The following DNAH12 variants were observed in gnomAD, a reference collection of about 807,000 sequenced individuals.
The protein encoded by DNAH12 is axonemal beta dynein heavy chain 12.
Under a neutral mutation model 371.5 loss-of-function variants are expected in DNAH12, and 285 were observed. The observed-to-expected ratio is 0.77, with a 90% CI of 0.70 to 0.85. The LOEUF (loss-of-function observed/expected upper bound fraction) is 0.85. Ranked by LOEUF, DNAH12 falls within the 40% of genes least tolerant of loss-of-function variation. The pLI is 0.00. For missense variants in DNAH12, 3,611 were observed against 3,689.4 expected (o/e 0.98, Z 0.55); for synonymous variants, 1,200 against 1,213.0 (o/e 0.99, Z 0.22).
chr3:57,351,925 G>A (rs1399585884), intron 60 of DNAH12, among the ~76,000 whole-genome samples, 160 bp downstream of exon 60: 3 of 152,114 alleles, frequency 2.0e-5, no homozygotes, highest in Admixed American at 6.5e-5. Context: ...AATAAACACC[G>A]ATACTATCGT....
At chr3:57,417,901 A>C (rs972654714) in intron 37 of DNAH12, among the ~76,000 whole-genome samples, 21 of 152,320 alleles carry the variant, frequency 1.4e-4, no homozygotes, top group African/African-American at 4.8e-4. Flanking sequence ...CTGTAATCCC[A>C]GCACTTTGGG....
chr3:57,359,286 A>G (rs1199695418), intron 58 of DNAH12, among the ~76,000 whole-genome samples: 7 of 151,750 alleles, frequency 4.6e-5, no homozygotes, highest in African/African-American at 1.7e-4. Context: ...TGGGCTGGGC[A>G]CGGTGGCTCA....
intron 2 of DNAH12, among the ~76,000 whole-genome samples, chr3:57,537,183 G>C (rs1239531400): frequency 6.6e-6 from 1 of 152,030 alleles, no homozygotes; most frequent in Non-Finnish European, 1.5e-5. Flanking sequence ...AAAAGAGTGA[G>C]ACCTTGTCTC....
intron 60 of DNAH12, among the ~76,000 whole-genome samples, chr3:57,337,112 G>GA (rs1164538816): frequency 6.6e-6 from 1 of 151,958 alleles, no homozygotes; most frequent in African/African-American, 2.4e-5. Context: ...ATTTACATCA[G>GA]AAAAAAACAG....
rs532888044 is a variant in DNAH12, at chr3:57,470,662, TA to T, written c.1912-27del. The T allele has an allele frequency of 1.4e-4, 210 of 1,486,062 alleles. 2 individuals carry two copies. In the South Asian group the frequency reaches 1.9e-3, roughly 13 times the overall value. 92.1% of individuals were successfully genotyped at this position (1,486,062 alleles called of 1,614,324 possible). A position where few individuals can be genotyped will look rare whatever the true frequency, so the allele number is the denominator to read the frequency against. On this transcript the variant is annotated intron_variant, in intron 15 of 73. Transcript: ENST00000495027. ...CTGAAAGTAAATAAGTTTTTTGTCT[TA>T]AAAAAAATTCAAGTAATGTTATAAA...
intron 11 of DNAH12, chr3:57,498,363 T>G: frequency 1.6e-6 from 1 of 612,230 alleles, no homozygotes; most frequent in Admixed American, 2.9e-5. Flanking sequence ...GTCACTCAAG[T>G]TGGAGTGCAG....
chr3:57,311,395 A>G (rs977527951), intron 66 of DNAH12, among the ~76,000 whole-genome samples: 24 of 152,144 alleles, frequency 1.6e-4, no homozygotes, highest in Admixed American at 1.6e-3. Context: ...TTTATCTTAA[A>G]TTGCTTGTCT....
intron 44 of DNAH12, among the ~76,000 whole-genome samples, chr3:57,393,384 T>C (rs2063665631): frequency 1.3e-5 from 2 of 151,712 alleles, no homozygotes; most frequent in Admixed American, 1.3e-4. Flanking sequence ...TCCCAGCACT[T>C]TGGGGGGCCG....
intron 29 of DNAH12, among the ~76,000 whole-genome samples, chr3:57,439,107 T>TAAA (rs1343776386): frequency 6.6e-6 from 1 of 152,078 alleles, no homozygotes; most frequent in Non-Finnish European, 1.5e-5. Context: ...GAAGAATGAA[T>TAAA]ATTGTTAAAA....
rs532318238 is a variant in DNAH12, at chr3:57,480,791, G to T, written c.1650+2585C>A. Among the ~76,000 whole-genome samples the T allele has an allele frequency of 4.6e-5, 7 of 152,216 alleles. 1 individual carries two copies. In the South Asian group the frequency reaches 1.4e-3, roughly 32 times the overall value. ...TACGCAAATCAATAAATGTCATCCA[G>T]CATATAAACAGAACCAAAGACAAAA... On this transcript the variant is annotated intron_variant, in intron 13 of 73. Coordinates refer to ENST00000495027, the MANE Select transcript of DNAH12 (RefSeq NM_001366028.2).
At chr3:57,361,875 A>T (rs1176570226) in intron 58 of DNAH12, among the ~76,000 whole-genome samples, 1 of 152,030 alleles carries the variant, frequency 6.6e-6, no homozygotes, top group African/African-American at 2.4e-5. Flanking sequence ...TATTTTTTTA[A>T]AATTATACTT....
chr3:57,510,735 G>A (rs2067960697), intron 5 of DNAH12, 55 bp downstream of exon 5: 1 of 1,513,048 alleles, frequency 6.6e-7, no homozygotes, highest in Non-Finnish European at 9.0e-7. Flanking sequence ...TGATTCAGTG[G>A]GGACGGGGGG....
chr3:57,493,769 G>C (rs1178480818), intron 11 of DNAH12: 8 of 131,370 alleles, frequency 6.1e-5, no homozygotes, highest in Admixed American at 3.2e-4. Flanking sequence ...TTGGGTACTT[G>C]ACCAGTCAAA....
intron 35 of DNAH12, among the ~76,000 whole-genome samples, chr3:57,421,923 T>TTTTTTTTTTTA (rs2064598343): frequency 6.8e-6 from 1 of 146,852 alleles, no homozygotes. Flanking sequence ...TTTTTTTTTT[T>TTTTTTTTTTTA]GAGACAGCGC....
In DNAH12 at chr3:57,472,588, C is replaced by T. The variant is rs770858163; in HGVS notation, c.1734G>A (p.Met578Ile). The T allele has an allele frequency of 6.4e-7, 1 of 1,550,796 alleles. No individual in the cohort carries two copies. Among genetic ancestry groups the T allele is most frequent in the African/African-American group, 1.4e-5 (1 of 72,994 alleles). ...AGATGGGATTAATTTTCCTAGGCCA[C>T]ATGAGGACAGTTGCATTTAAAGCTA... Reference protein sequence around the residue: ...EDLALNATVLMWPRKINPIFD... With the variant: ...EDLALNATVLIWPRKINPIFD... Residue 578 changes from methionine (M) to isoleucine (I), a missense_variant, in exon 14 of 74, where the codon ATG becomes ATA. Around this residue, in one of 3 missense-constraint regions of DNAH12, gnomAD observed 1,314 missense variants for 1,398.7 expected, o/e 0.94. Coordinates refer to ENST00000495027, the MANE Select transcript of DNAH12 (RefSeq NM_001366028.2).
chr3:57,298,162 G>A (rs1216854073), intron 70 of DNAH12, among the ~76,000 whole-genome samples: 1 of 152,142 alleles, frequency 6.6e-6, no homozygotes, highest in Non-Finnish European at 1.5e-5. Flanking sequence ...TCTCAGTCCA[G>A]GCACCTCTGG....
At chr3:57,311,450 T>A (rs1379847910) in intron 66 of DNAH12, among the ~76,000 whole-genome samples, 1 of 152,196 alleles carries the variant, frequency 6.6e-6, no homozygotes, top group African/African-American at 2.4e-5. Context: ...GCTTCTGTAA[T>A]GAGAAAAACA....
At chr3:57,425,423 A>C in intron 34 of DNAH12, among the ~76,000 whole-genome samples, 1 of 146,396 alleles carries the variant, frequency 6.8e-6, no homozygotes, top group Non-Finnish European at 1.5e-5. Flanking sequence ...TTTTTTTCCC[A>C]GATAGGCTCT....
At position 57,462,834 on chromosome 3, in the gene DNAH12, C is replaced by T. The variant is rs1446060259; in HGVS notation, c.2391G>A (p.Met797Ile). Residue 797 changes from methionine to isoleucine, a missense_variant, in exon 18 of 74, where the codon ATG becomes ATA. By Grantham distance (10) the Met-to-Ile change is conservative (BLOSUM62 1). This residue lies in a region of DNAH12 where 1,314 missense variants were observed against 1,398.7 expected (regional missense o/e 0.94). Coordinates refer to ENST00000495027, the MANE Select transcript of DNAH12 (RefSeq NM_001366028.2). Reference sequence around the variant, plus strand: ...ATATCTGTTTCCAGTGACGAGCTCTCATTCCTGGATTGCACAGAATGGAGA... The same window carrying T: ...ATATCTGTTTCCAGTGACGAGCTCTTATTCCTGGATTGCACAGAATGGAGA... ...PTVSILCNPG[M>I]RARHWKQISE... 1 of 1,551,438 alleles carries T rather than the reference C, an allele frequency of 6.4e-7. No homozygotes were observed. The highest frequency in any genetic ancestry group is 2.4e-5 in the East Asian group (1 of 40,896).
Sources: gnomAD v4.1 joint callset for allele counts (sites outside exome capture counted in the v4.1 genomes callset) on GRCh38, gnomAD v4.1.1 for gene constraint, gnomAD v4.1.1 regional missense constraint, MANE v1.5 for transcripts, NCBI Gene and HGNC (gene_info 2026-07-23, HGNC 2026-07-21) for gene names.